ADARB2: variants seen among roughly 807,000 people sequenced by gnomAD.
The protein encoded by ADARB2 is inactive double-stranded RNA-specific editase B2.
In ADARB2, 25 loss-of-function variants were observed where a neutral mutation model predicts 62.2. The observed-to-expected ratio is 0.40, with a 90% CI of 0.29 to 0.56. The LOEUF is 0.56. ADARB2 is among the 20% of genes least tolerant of loss of function. The pLI is 0.43. For synonymous variants in ADARB2, 572 were observed against 500.8 expected, an observed-to-expected ratio of 1.14 and a Z score of -1.90; for missense variants, 1,071 against 1,077.4, an observed-to-expected ratio of 0.99 and a Z score of 0.08.
intron 1 of ADARB2, among the ~76,000 whole-genome samples, chr10:1,623,544 C>T (rs955015178): frequency 6.6e-6 from 1 of 152,222 alleles, no homozygotes; most frequent in African/African-American, 2.4e-5. Context: ...ATTCCATTGT[C>T]AGCGCCTACA....
intron 1 of ADARB2, among the ~76,000 whole-genome samples, chr10:1,630,199 T>C (rs958975648): frequency 1.3e-5 from 2 of 152,232 alleles, no homozygotes; most frequent in Non-Finnish European, 2.9e-5. Context: ...AAGGGTCCAC[T>C]GTGGCCAGAG....
chr10:1,388,930 T>C (rs187984136), intron 1 of ADARB2, among the ~76,000 whole-genome samples: 1 of 152,274 alleles, frequency 6.6e-6, no homozygotes, highest in East Asian at 1.9e-4. Flanking sequence ...AAATACAATG[T>C]AGTAATGGCG....
chr10:1,273,573 G>A (rs1030203205), intron 3 of ADARB2, among the ~76,000 whole-genome samples: 3 of 152,222 alleles, frequency 2.0e-5, no homozygotes, highest in Non-Finnish European at 4.4e-5. Flanking sequence ...GGTCAGGCCT[G>A]GCTGTGAGGT....
At chr10:1,510,118 T>TCTC (rs1564312525) in intron 1 of ADARB2, among the ~76,000 whole-genome samples, 2 of 64,852 alleles carry the variant, frequency 3.1e-5, no homozygotes, top group Non-Finnish European at 7.1e-5. Context: ...CTCTCTTTCT[T>TCTC]TCTTTCTTTC....
At chr10:1,623,762 G>A (rs1222551918) in intron 1 of ADARB2, among the ~76,000 whole-genome samples, 1 of 71,886 alleles carries the variant, frequency 1.4e-5, no homozygotes, top group Non-Finnish European at 2.8e-5. Flanking sequence ...CAGTACGAGG[G>A]CTGAGTTTGC....
chr10:1,488,630 C>A (rs1564305434), intron 1 of ADARB2, among the ~76,000 whole-genome samples: 1 of 152,128 alleles, frequency 6.6e-6, no homozygotes, highest in South Asian at 2.1e-4. Flanking sequence ...TAGCCTAACA[C>A]TGGGGAGACG....
chr10:1,305,398 G>T (rs963974855), intron 3 of ADARB2, among the ~76,000 whole-genome samples: 6 of 151,750 alleles, frequency 4.0e-5, no homozygotes, highest in African/African-American at 7.3e-5. Flanking sequence ...TCTGAAATTG[G>T]GGCAATAATC....
intron 1 of ADARB2, among the ~76,000 whole-genome samples, chr10:1,602,243 G>C (rs1270683208): frequency 6.6e-6 from 1 of 152,214 alleles, no homozygotes; most frequent in Non-Finnish European, 1.5e-5. Context: ...CGGGTGGTCA[G>C]GCCAGTAGGG....
chr10:1,627,581 G>A (rs1833786675), intron 1 of ADARB2, among the ~76,000 whole-genome samples: 1 of 152,090 alleles, frequency 6.6e-6, no homozygotes, highest in Non-Finnish European at 1.5e-5. Context: ...ACACAGCCAT[G>A]GCCATGACAT....
intron 1 of ADARB2, among the ~76,000 whole-genome samples, chr10:1,536,989 G>A (rs1427040324): frequency 1.3e-5 from 2 of 152,164 alleles, no homozygotes; most frequent in Admixed American, 1.3e-4. Context: ...AAGAGCTTCT[G>A]CACAGCAAAA....
chr10:1,322,701 A>G (rs931985943), intron 3 of ADARB2, among the ~76,000 whole-genome samples: 1 of 152,208 alleles, frequency 6.6e-6, no homozygotes, highest in African/African-American at 2.4e-5. Flanking sequence ...TTCTATGTCC[A>G]GAAGAATGGA....
At position 1,367,961 on chromosome 10, in the gene ADARB2, T is replaced by C. The variant is rs199694990; in HGVS notation, c.188-4044A>G. ...CTCTTTCATAATAATCAATAATTGA[T>C]AATAAGAGCATACTTCAGGGGCCTG... is the stretch of plus-strand genomic sequence containing the variant. On this transcript the variant is annotated intron_variant, in intron 2 of 9. Coordinates refer to ENST00000381312, the MANE Select transcript of ADARB2 (RefSeq NM_018702.4). 1.3e-4 allele frequency among the ~76,000 whole-genome samples: 20 copies of C among 152,354 alleles called. No individual in the cohort carries two copies. In the East Asian group the frequency reaches 3.9e-3, roughly 29 times the overall value.
chr10:1,211,785 C>A (rs1472703295), intron 7 of ADARB2, among the ~76,000 whole-genome samples: 1 of 152,112 alleles, frequency 6.6e-6, no homozygotes, highest in African/African-American at 2.4e-5. Flanking sequence ...ATTTCCACCA[C>A]ACAGATATAA....
At chr10:1,468,143 T>A (rs1033380844) in intron 1 of ADARB2, among the ~76,000 whole-genome samples, 14 of 152,326 alleles carry the variant, frequency 9.2e-5, no homozygotes, top group African/African-American at 3.4e-4. Flanking sequence ...TAAAATAATA[T>A]TATTACTTAA....
chr10:1,408,920 C>T (rs1157460687), intron 1 of ADARB2, among the ~76,000 whole-genome samples: 3 of 152,224 alleles, frequency 2.0e-5, no homozygotes, highest in African/African-American at 7.2e-5. Flanking sequence ...GCTCCTCACC[C>T]ACTGTGGCTG....
At chr10:1,319,123 C>T in intron 3 of ADARB2, among the ~76,000 whole-genome samples, 1 of 152,180 alleles carries the variant, frequency 6.6e-6, no homozygotes, top group East Asian at 1.9e-4. Flanking sequence ...AAGGCCAGAT[C>T]TATAGGATGG....
At chr10:1,341,296 G>C (rs1202767896) in intron 3 of ADARB2, among the ~76,000 whole-genome samples, 1 of 150,280 alleles carries the variant, frequency 6.7e-6, no homozygotes, top group East Asian at 2.0e-4. Context: ...ATCCACCAGA[G>C]AACCACGTGC....
chr10:1,293,370 A>C (rs1000396974), intron 3 of ADARB2, among the ~76,000 whole-genome samples: 1 of 151,144 alleles, frequency 6.6e-6, no homozygotes, highest in Admixed American at 6.6e-5. Flanking sequence ...GAGGAAGGGA[A>C]GGAGAGAGAG....
intron 1 of ADARB2, among the ~76,000 whole-genome samples, chr10:1,694,320 T>C (rs1216355491): frequency 6.6e-6 from 1 of 152,222 alleles, no homozygotes; most frequent in Non-Finnish European, 1.5e-5. Flanking sequence ...TTAATTGGAG[T>C]AATGTGCTAT....
Sources: allele counts gnomAD v4.1 joint callset (sites outside exome capture counted in the v4.1 genomes callset), GRCh38; gene constraint gnomAD v4.1.1; transcripts MANE v1.5; gene names NCBI Gene and HGNC (gene_info 2026-07-23, HGNC 2026-07-21).